The following RECK variants were observed in gnomAD, a reference collection of about 807,000 sequenced individuals.
RECK encodes reversion inducing cysteine rich protein with kazal motifs, also known as reversion-inducing cysteine-rich protein with Kazal motifs.
Under a neutral mutation model 115.1 loss-of-function variants are expected in RECK, and 69 were observed. That is an observed-to-expected ratio of 0.60 (90% CI 0.49 to 0.73). The LOEUF is 0.73. Ranked by LOEUF, RECK falls within the 30% of genes least tolerant of loss-of-function variation. The probability of loss-of-function intolerance (pLI) is 0.00; values close to 1 mark genes in which losing one functional copy is unlikely to be tolerated. For synonymous variants in RECK, 414 were observed against 419.7 expected (o/e 0.99, Z 0.17); for missense variants, 1,047 against 1,203.7 (o/e 0.87, Z 1.93).
At chr9:36,116,101 T>C (rs1428740175) in intron 16 of RECK, among the ~76,000 whole-genome samples, 1 of 150,820 alleles carries the variant, frequency 6.6e-6, no homozygotes, top group Non-Finnish European at 1.5e-5. Context: ...AAAACCTGAA[T>C]TATTTTAGGA....
chr9:36,080,719 G>A (rs1436916402), intron 7 of RECK, 81 bp downstream of exon 7: 8 of 1,248,008 alleles, frequency 6.4e-6, no homozygotes, highest in African/African-American at 1.5e-5. Context: ...GCAGGATTCC[G>A]ATAGGCTCTT....
chr9:36,070,891 A>G (rs549510850), intron 6 of RECK, among the ~76,000 whole-genome samples: 2 of 152,352 alleles, frequency 1.3e-5, no homozygotes, highest in East Asian at 1.9e-4. Context: ...CTTTATGGGC[A>G]TGTTCAAGTA....
At chr9:36,112,838 G>GTAACATTGTTATCTCCA (rs1824115281) in intron 16 of RECK, among the ~76,000 whole-genome samples, 1 of 152,170 alleles carries the variant, frequency 6.6e-6, no homozygotes, top group Admixed American at 6.5e-5. Flanking sequence ...TGTTATCTCC[G>GTAACATTGTTATCTCCA]TAACATTGTT....
intron 13 of RECK, 120 bp downstream of exon 13, chr9:36,105,403 G>A: frequency 2.2e-6 from 2 of 902,280 alleles, no homozygotes; most frequent in Non-Finnish European, 3.4e-6. Context: ...TCTTCGGAGT[G>A]AGATTATGAG....
intron 12 of RECK, among the ~76,000 whole-genome samples, chr9:36,104,065 G>A (rs894953915): frequency 1.1e-4 from 16 of 151,518 alleles, no homozygotes; most frequent in South Asian, 4.2e-4. Context: ...CATGATTTCC[G>A]AAGTTAAATA....
Position 36,100,529 on chromosome 9 carries a change from A to G in RECK, c.1284A>G (p.Gly428=), listed in dbSNP as rs1823524224. The G allele has an allele frequency of 6.2e-7, 1 of 1,613,064 alleles. No individual in the cohort carries two copies. The highest frequency in any genetic ancestry group is 1.3e-5 in the African/African-American group (1 of 74,912). ...AACCTTGTCATAGTAAATCTCGGGGAAGTATTATTTGCAAGTAAGTTTCTT... is the reference window on the plus strand; with the variant it reads ...AACCTTGTCATAGTAAATCTCGGGGGAGTATTATTTGCAAGTAAGTTTCTT... ...QIKPCHSKSR[G]SIICKSDCVE... The change falls in exon 11 of 21, where the codon GGA becomes GGG. Residue 428 remains glycine (G), a synonymous_variant. Coordinates refer to ENST00000377966, the MANE Select transcript of RECK (RefSeq NM_021111.3).
intron 12 of RECK, among the ~76,000 whole-genome samples, chr9:36,104,937 A>AT (rs1199214021): frequency 1.3e-5 from 2 of 152,184 alleles, no homozygotes; most frequent in Non-Finnish European, 2.9e-5. Context: ...ATCCCAATAA[A>AT]TTTAAAAAAA....
At chr9:36,115,362 C>T (rs1366815378) in intron 16 of RECK, among the ~76,000 whole-genome samples, 2 of 151,442 alleles carry the variant, frequency 1.3e-5, no homozygotes, top group East Asian at 3.9e-4. Context: ...TTGTATTCAT[C>T]CATCAAGTAT....
intron 6 of RECK, among the ~76,000 whole-genome samples, chr9:36,074,999 G>A (rs1433230263): frequency 6.6e-5 from 10 of 152,214 alleles, no homozygotes; most frequent in Admixed American, 5.9e-4. Context: ...GGAAGCCCTT[G>A]GCTAAGTCAG....
At chr9:36,053,776 T>C (rs1047245868) in intron 2 of RECK, among the ~76,000 whole-genome samples, 3 of 152,192 alleles carry the variant, frequency 2.0e-5, no homozygotes, top group Admixed American at 2.0e-4. Flanking sequence ...TCTTAAAATC[T>C]GGAATGCTAG....
chr9:36,037,516 G>C (rs1820713986), intron 1 of RECK, among the ~76,000 whole-genome samples: 1 of 151,876 alleles, frequency 6.6e-6, no homozygotes. Context: ...ACCCGCACTT[G>C]GTTCATAACG....
At position 36,121,658 on chromosome 9, in the gene RECK, T is replaced by A. The variant is rs1373010409; in HGVS notation, c.2664T>A (p.Ile888=). The A allele has an allele frequency of 6.2e-7, 1 of 1,614,170 alleles. No homozygotes were observed. The part of the protein sequence containing the change: ...SIESEIVILI[I]PVDHYPKALQ... The stretch of plus-strand genomic sequence containing the variant: ...AATCAGAAATTGTGATCCTGATCAT[T>A]CCCGTCGATCACTATCCAAAAGCTC... Residue 888 remains isoleucine (I), a synonymous_variant, in exon 20 of 21, where the codon ATT becomes ATA. Transcript: ENST00000377966.
chr9:36,070,541 G>C (rs1042121528), intron 6 of RECK, among the ~76,000 whole-genome samples: 3 of 151,850 alleles, frequency 2.0e-5, no homozygotes, highest in African/African-American at 4.8e-5. Context: ...GTAGAGAGCT[G>C]AGTTTCTTTA....
chr9:36,067,064 G>A (rs1394563610), intron 6 of RECK, among the ~76,000 whole-genome samples: 1 of 152,090 alleles, frequency 6.6e-6, no homozygotes, highest in East Asian at 1.9e-4. Flanking sequence ...TTTCTTACAT[G>A]TTATTTAGAA....
chr9:36,037,761 G>A (rs892852857), intron 1 of RECK, among the ~76,000 whole-genome samples: 6 of 151,968 alleles, frequency 3.9e-5, no homozygotes, highest in Admixed American at 1.3e-4. Context: ...CCGTCCAAAA[G>A]CTCTCTCGGT....
chr9:36,120,291 C>G (rs1824413598), intron 18 of RECK, among the ~76,000 whole-genome samples: 1 of 152,116 alleles, frequency 6.6e-6, no homozygotes, highest in Non-Finnish European at 1.5e-5. Context: ...GAAACACCAA[C>G]TCCCTTATTT....
At chr9:36,073,652 A>G (rs1322619184) in intron 6 of RECK, among the ~76,000 whole-genome samples, 2 of 152,162 alleles carry the variant, frequency 1.3e-5, no homozygotes, top group Non-Finnish European at 2.9e-5. Context: ...TAAACCCTTC[A>G]GTTGCTTCCC....
At position 36,042,633 on chromosome 9, in the gene RECK, A is replaced by T. The variant is rs185918846; in HGVS notation, c.100+5535A>T. Among the ~76,000 whole-genome samples, 13 of 152,224 alleles carry T rather than the reference A, an allele frequency of 8.5e-5. No individual in the cohort carries two copies. In the East Asian group the frequency reaches 2.1e-3, roughly 25 times the overall value. On this transcript the variant is annotated intron_variant, in intron 1 of 20. Transcript: ENST00000377966. ...TTTTGCAGTTGCTAATTGTGCTGCT[A>T]TAAGCATGCGTGTGCAAGTGTCTTT...
At chr9:36,065,478 A>ATAC in intron 5 of RECK, 99 bp from the exon 6 acceptor site, 1 of 797,334 alleles carries the variant, frequency 1.3e-6, no homozygotes, top group Non-Finnish European at 1.9e-6. Context: ...GAAATAAAGG[A>ATAC]TACTATATCA....
Sources: allele counts gnomAD v4.1 joint callset (sites outside exome capture counted in the v4.1 genomes callset), GRCh38; gene constraint gnomAD v4.1.1; transcripts MANE v1.5; gene names NCBI Gene and HGNC (gene_info 2026-07-23, HGNC 2026-07-21).